Variants in HSPA12A observed in about 807,000 individuals in gnomAD.
The protein encoded by HSPA12A is heat shock 70 kDa protein 12A.
In HSPA12A, 28 loss-of-function variants were observed where a neutral mutation model predicts 69.2. That is an observed-to-expected ratio of 0.40 (90% CI 0.30 to 0.55). The LOEUF (loss-of-function observed/expected upper bound fraction) is 0.55. HSPA12A is among the 20% of genes least tolerant of loss of function. The pLI is 0.38. For synonymous variants in HSPA12A, 345 were observed against 370.5 expected, an observed-to-expected ratio of 0.93 and a Z score of 0.79; for missense variants, 686 against 900.7, an observed-to-expected ratio of 0.76 and a Z score of 3.05.
rs185952586 is a variant in HSPA12A at position 116,837,562 on chromosome 10, A to G, written c.4-2540T>C. Among the ~76,000 whole-genome samples, 33 of 152,316 alleles carry G rather than the reference A, an allele frequency of 2.2e-4. No homozygotes were observed. The East Asian group carries it at 6.0e-3, about 28-fold the overall frequency. On this transcript the variant is annotated intron_variant, in intron 1 of 12. Transcript: ENST00000635765. ...GCAATAAATCTGAAAAAGCCGTAGA[A>G]CTTTGTGCAGCTAAACCCTCTGAAA...
chr10:116,845,220 C>T (rs1379141647), intron 1 of HSPA12A, among the ~76,000 whole-genome samples: 1 of 152,100 alleles, frequency 6.6e-6, no homozygotes, highest in African/African-American at 2.4e-5. Flanking sequence ...ATATAAATGC[C>T]TCTAGAAACA....
At chr10:116,772,366 C>G (rs1844231846) in intron 2 of HSPA12A, among the ~76,000 whole-genome samples, 1 of 152,064 alleles carries the variant, frequency 6.6e-6, no homozygotes, top group Non-Finnish European at 1.5e-5. Flanking sequence ...CAGACTCTAC[C>G]CCACTTGCTC....
intron 2 of HSPA12A, among the ~76,000 whole-genome samples, chr10:116,826,336 A>C (rs1175797758): frequency 6.6e-6 from 1 of 152,154 alleles, no homozygotes; most frequent in Non-Finnish European, 1.5e-5. Context: ...ATTGGCTTTC[A>C]CTCACCAGAA....
Position 116,697,600 on chromosome 10 carries a change from G to A in HSPA12A, c.546+1035C>T, listed in dbSNP as rs376822640. ...AGTTACCCACCCCACTCTCCAGTTAGGAAAGTGGATCTTGGAAAGATTAAG... is the reference window on the plus strand; with the variant it reads ...AGTTACCCACCCCACTCTCCAGTTAAGAAAGTGGATCTTGGAAAGATTAAG... On this transcript the variant is annotated intron_variant, in intron 5 of 11. Coordinates refer to ENST00000369209, the MANE Select transcript of HSPA12A (RefSeq NM_025015.3). Among the ~76,000 whole-genome samples, 11 of 152,280 alleles carry A rather than the reference G, an allele frequency of 7.2e-5. No homozygotes were observed. In the East Asian group the frequency reaches 1.2e-3, roughly 16 times the overall value.
chr10:116,829,125 G>A (rs1845564656), intron 2 of HSPA12A: 1 of 152,200 alleles, frequency 6.6e-6, no homozygotes, highest in South Asian at 2.1e-4. Context: ...GGCAGGGCCA[G>A]GTGGAGATAA....
chr10:116,692,239 C>T lies in HSPA12A; in HGVS notation c.663+112G>A, dbSNP rs898291047. The T allele has an allele frequency of 2.6e-5, 20 of 778,592 alleles. No homozygotes were observed. In the African/African-American group the frequency reaches 3.3e-4, roughly 13 times the overall value. The allele number at this position is 778,592 out of a possible 1,614,324, so 48.2% of individuals were successfully genotyped here. ...CTGGCTAGGGGAGCCTCCTTGCTGCCTCCCATGGAGGCCAGTGAATGTGGG... is the reference window on the plus strand; with the variant it reads ...CTGGCTAGGGGAGCCTCCTTGCTGCTTCCCATGGAGGCCAGTGAATGTGGG... On this transcript the variant is annotated intron_variant, in intron 6 of 11. Coordinates refer to ENST00000369209, the MANE Select transcript of HSPA12A (RefSeq NM_025015.3).
chr10:116,794,934 T>C (rs1319102461), intron 2 of HSPA12A, among the ~76,000 whole-genome samples: 3 of 152,188 alleles, frequency 2.0e-5, no homozygotes, highest in Non-Finnish European at 2.9e-5. Flanking sequence ...ATAATTAGAA[T>C]TGATCAAAAA....
chr10:116,736,273 A>G (rs1181413624), intron 1 of HSPA12A, among the ~76,000 whole-genome samples: 2 of 152,168 alleles, frequency 1.3e-5, no homozygotes, highest in Non-Finnish European at 2.9e-5. Flanking sequence ...TCCACAATCC[A>G]AACTCCAGGG....
chr10:116,789,943 CCT>C (rs1394466412), intron 2 of HSPA12A, among the ~76,000 whole-genome samples: 1 of 152,066 alleles, frequency 6.6e-6, no homozygotes, highest in Non-Finnish European at 1.5e-5. Flanking sequence ...TCCTCACCCA[CCT>C]CTGTCTATTC....
intron 10 of HSPA12A, among the ~76,000 whole-genome samples, chr10:116,677,903 A>G (rs1849285415): frequency 1.3e-5 from 2 of 152,190 alleles, no homozygotes; most frequent in South Asian, 4.1e-4. Context: ...TAAATCCTCA[A>G]ATTCCTAATG....
intron 2 of HSPA12A, among the ~76,000 whole-genome samples, chr10:116,763,025 G>A (rs1184795116): frequency 3.3e-5 from 5 of 152,200 alleles, no homozygotes; most frequent in African/African-American, 1.2e-4. Context: ...ACTTGGGTAT[G>A]TCTGTACCTG....
intron 1 of HSPA12A, among the ~76,000 whole-genome samples, chr10:116,736,500 A>T (rs1851321344): frequency 6.6e-6 from 1 of 152,162 alleles, no homozygotes; most frequent in Non-Finnish European, 1.5e-5. Flanking sequence ...GAGTCAGCAG[A>T]TGTGATTAAA....
chr10:116,784,740 G>A (rs1844539936), intron 2 of HSPA12A, among the ~76,000 whole-genome samples: 1 of 152,224 alleles, frequency 6.6e-6, no homozygotes, highest in Non-Finnish European at 1.5e-5. Context: ...GCTGAGGAAT[G>A]AGTCCCTGGC....
intron 2 of HSPA12A, among the ~76,000 whole-genome samples, chr10:116,790,154 T>A (rs929738463): frequency 3.7e-5 from 5 of 135,102 alleles, no homozygotes; most frequent in Non-Finnish European, 7.7e-5. Context: ...CAGGCCGGAC[T>A]GCAGTGGCGG....
intron 2 of HSPA12A, among the ~76,000 whole-genome samples, chr10:116,805,463 CAAT>C (rs2133174806): frequency 6.6e-6 from 1 of 152,064 alleles, no homozygotes; most frequent in East Asian, 1.9e-4. Flanking sequence ...TTTTCCTTAA[CAAT>C]GATGGGAAAT....
At chr10:116,721,275 C>G (rs1850767768) in intron 1 of HSPA12A, among the ~76,000 whole-genome samples, 1 of 152,172 alleles carries the variant, frequency 6.6e-6, no homozygotes, top group Admixed American at 6.5e-5. Context: ...ATACACAAGA[C>G]ACTGAATGAA....
intron 2 of HSPA12A, among the ~76,000 whole-genome samples, chr10:116,805,859 T>C (rs1284880805): frequency 3.3e-5 from 5 of 152,258 alleles, no homozygotes; most frequent in Non-Finnish European, 7.3e-5. Context: ...AGGTTGTCAC[T>C]GTTACATTTT....
At chr10:116,718,237 C>T (rs79692675) in intron 1 of HSPA12A, among the ~76,000 whole-genome samples, 35,014 of 152,154 alleles carry the variant, frequency 0.23, 4,229 homozygotes, top group East Asian at 0.42. Context: ...AAGAAAGGGC[C>T]GAGGCCATTC....
intron 2 of HSPA12A, among the ~76,000 whole-genome samples, chr10:116,802,856 C>G (rs1418396679): frequency 6.6e-6 from 1 of 152,250 alleles, no homozygotes; most frequent in Non-Finnish European, 1.5e-5. Context: ...TCTGCCAAGT[C>G]TGAACAGAAG....
Sources: gnomAD v4.1 joint callset for allele counts (sites outside exome capture counted in the v4.1 genomes callset) on GRCh38, gnomAD v4.1.1 for gene constraint, MANE v1.5 for transcripts, NCBI Gene and HGNC (gene_info 2026-07-23, HGNC 2026-07-21) for gene names.